MBOAT2: variants seen among roughly 807,000 people sequenced by gnomAD.
The protein encoded by MBOAT2 is membrane-bound glycerophospholipid O-acyltransferase 2.
Under a neutral mutation model 63.4 loss-of-function variants are expected in MBOAT2, and 28 were observed. That is an observed-to-expected ratio of 0.44 (90% confidence interval 0.33 to 0.61). The LOEUF (loss-of-function observed/expected upper bound fraction) is 0.61. Ranked by LOEUF, MBOAT2 falls within the 20% of genes least tolerant of loss-of-function variation. The pLI, the probability that MBOAT2 is intolerant of heterozygous loss-of-function variation, is 0.03. For missense variants in MBOAT2, 470 were observed against 605.8 expected (o/e 0.78, Z 2.35); for synonymous variants, 211 against 215.6 (o/e 0.98, Z 0.19).
intron 2 of MBOAT2, among the ~76,000 whole-genome samples, chr2:8,950,288 T>C (rs1668737439): frequency 6.6e-6 from 1 of 152,158 alleles, no homozygotes; most frequent in Non-Finnish European, 1.5e-5. Flanking sequence ...ACTTCTTCTT[T>C]TCCTATTTGG....
intron 3 of MBOAT2, among the ~76,000 whole-genome samples, chr2:8,938,427 A>C (rs1375882505): frequency 2.0e-5 from 3 of 152,088 alleles, no homozygotes; most frequent in Admixed American, 6.5e-5. Flanking sequence ...CCCTATAGTC[A>C]GGCTACTTAT....
At chr2:8,863,652 A>G (rs1445573775) in intron 10 of MBOAT2, among the ~76,000 whole-genome samples, 2 of 152,170 alleles carry the variant, frequency 1.3e-5, no homozygotes, top group Non-Finnish European at 2.9e-5. Context: ...AGGGAACAGC[A>G]TGTGTCTGAT....
chr2:8,920,271 A>T (rs1666480812), intron 3 of MBOAT2, among the ~76,000 whole-genome samples: 1 of 152,168 alleles, frequency 6.6e-6, no homozygotes, highest in Non-Finnish European at 1.5e-5. Flanking sequence ...TAGAAACCTG[A>T]TTGTCCCAGC....
At chr2:8,923,411 G>A (rs1012697570) in intron 3 of MBOAT2, among the ~76,000 whole-genome samples, 2 of 152,128 alleles carry the variant, frequency 1.3e-5, no homozygotes, top group African/African-American at 2.4e-5. Context: ...CCCAGGAACT[G>A]ACTCAGCTAT....
chr2:8,958,439 C>G (rs1303273364), intron 2 of MBOAT2, 58 bp downstream of exon 2: 1 of 1,452,144 alleles, frequency 6.9e-7, no homozygotes, highest in African/African-American at 1.4e-5. Flanking sequence ...TCCACACACT[C>G]AATTCTCAAA....
intron 1 of MBOAT2, among the ~76,000 whole-genome samples, chr2:8,968,690 T>C (rs1318180234): frequency 6.6e-6 from 1 of 152,136 alleles, no homozygotes; most frequent in Non-Finnish European, 1.5e-5. Flanking sequence ...TTAAATGACC[T>C]GATGTAGCTG....
chr2:8,919,495 A>C (rs1327581755), intron 3 of MBOAT2, among the ~76,000 whole-genome samples: 1 of 152,138 alleles, frequency 6.6e-6, no homozygotes, highest in Non-Finnish European at 1.5e-5. Flanking sequence ...ATGGCTAGTG[A>C]TCTTGAGCAT....
chr2:8,901,866 C>G (rs192220972), intron 4 of MBOAT2, among the ~76,000 whole-genome samples: 512 of 152,298 alleles, frequency 3.4e-3, no homozygotes, highest in Non-Finnish European at 5.1e-3. Context: ...TTTTTAGAAG[C>G]AGGACTAGCC....
At chr2:8,919,839 T>C (rs1666450063) in intron 3 of MBOAT2, among the ~76,000 whole-genome samples, 1 of 152,112 alleles carries the variant, frequency 6.6e-6, no homozygotes, top group Non-Finnish European at 1.5e-5. Flanking sequence ...CAATGTACCT[T>C]GGACTCCTGG....
chr2:8,858,735 T>C lies in MBOAT2; in HGVS notation c.1507A>G (p.Asn503Asp), dbSNP rs1273987581. ...LGQNSFSTTN[N>D]VCNQNQEIAS... ...ATTTCTTGATTCTGATTGCAAACAT[T>C]GTTTGTTGTAGAAAAACTGTTCTGT... The change falls in exon 13 of 13, where the codon AAT becomes GAT. Residue 503 changes from asparagine to aspartate, a missense_variant. This residue lies in a region of MBOAT2 where 90 missense variants were observed against 84.9 expected (regional missense o/e 1.06). Transcript: ENST00000305997. The C allele has an allele frequency of 4.3e-6, 7 of 1,613,760 alleles. No individual in the cohort carries two copies. The highest frequency in any genetic ancestry group is 5.9e-6 in the Non-Finnish European group (7 of 1,179,996).
At chr2:8,917,329 GA>G (rs771026880) in intron 3 of MBOAT2, among the ~76,000 whole-genome samples, 1 of 151,788 alleles carries the variant, frequency 6.6e-6, no homozygotes, top group East Asian at 1.9e-4. Context: ...AACATAGGTT[GA>G]AAAAAATTTT....
intron 4 of MBOAT2, chr2:8,908,031 C>G (rs1017247971): frequency 2.6e-5 from 4 of 152,128 alleles, no homozygotes; most frequent in African/African-American, 7.2e-5. Flanking sequence ...AGCAGTCAAG[C>G]TTGACATAAA....
At chr2:8,899,190 T>C (rs982742048) in intron 4 of MBOAT2, among the ~76,000 whole-genome samples, 11 of 152,168 alleles carry the variant, frequency 7.2e-5, no homozygotes, top group Non-Finnish European at 1.3e-4. Flanking sequence ...CTTCAAGTAG[T>C]GGACAACAAA....
At chr2:8,942,404 G>A (rs1325931180) in intron 3 of MBOAT2, among the ~76,000 whole-genome samples, 3 of 152,272 alleles carry the variant, frequency 2.0e-5, no homozygotes, top group Non-Finnish European at 4.4e-5. Flanking sequence ...CTGCCCCTGG[G>A]TTTTCAATCA....
In MBOAT2 at chr2:8,858,705, AGG is replaced by A. The variant is rs1284377675; in HGVS notation, c.1535_1536del (p.Ala512ValfsTer21). 1 of 1,612,742 alleles carries A rather than the reference AGG, an allele frequency of 6.2e-7. No individual in the cohort carries two copies. Among genetic ancestry groups the A allele is most frequent in the Non-Finnish European group, 8.5e-7 (1 of 1,179,414 alleles). ...CACTGCTTTAGTGATGAATGTCTCG[AGG>A]CTATTTCTTGATTCTGATTGCAAAC... Reference protein sequence around the residue: ...NNVCNQNQEIASRHSSLKQ With the variant: ...NNVCNQNQEIXSRHSSLKQ On this transcript the variant is annotated frameshift_variant, in exon 13 of 13. Coordinates refer to ENST00000305997, the MANE Select transcript of MBOAT2 (RefSeq NM_138799.4). LOFTEE classifies it high-confidence loss of function.
intron 9 of MBOAT2, among the ~76,000 whole-genome samples, chr2:8,865,711 G>T (rs1661824213): frequency 6.6e-6 from 1 of 152,176 alleles, no homozygotes; most frequent in Non-Finnish European, 1.5e-5. Context: ...TGGCCTTTAT[G>T]CCAATCCCTC....
Position 8,858,917 on chromosome 2 carries a change from G to A in MBOAT2, c.1338-13C>T. 2 of 1,569,044 alleles carry A rather than the reference G, an allele frequency of 1.3e-6. No individual in the cohort carries two copies. The highest frequency in any genetic ancestry group is 1.2e-5 in the South Asian group (1 of 86,608). On this transcript the variant is annotated splice_polypyrimidine_tract_variant and intron_variant, in intron 12 of 12. Coordinates refer to ENST00000305997, the MANE Select transcript of MBOAT2 (RefSeq NM_138799.4). ...ATAATACCAGGAGCTAAAAGAAAAA[G>A]GGAAAAAGTTTATTAAAACTTGATA...
intron 2 of MBOAT2, among the ~76,000 whole-genome samples, chr2:8,943,500 A>C (rs1003403087): frequency 1.3e-5 from 2 of 152,166 alleles, no homozygotes; most frequent in African/African-American, 4.8e-5. Flanking sequence ...AGTGCCCAGC[A>C]CTCCATGTCT....
chr2:8,983,778 G>C (rs1329981737), intron 1 of MBOAT2, among the ~76,000 whole-genome samples: 2 of 152,154 alleles, frequency 1.3e-5, no homozygotes, highest in Non-Finnish European at 2.9e-5. Flanking sequence ...ATCCAGAAGT[G>C]ATGGAGCAGT....
Sources: gnomAD v4.1 joint callset for allele counts (sites outside exome capture counted in the v4.1 genomes callset) on GRCh38, gnomAD v4.1.1 for gene constraint, gnomAD v4.1.1 regional missense constraint, MANE v1.5 for transcripts, NCBI Gene and HGNC (gene_info 2026-07-23, HGNC 2026-07-21) for gene names.